The following OPRL1 variants were observed in gnomAD, a reference collection of about 807,000 sequenced individuals.
The protein encoded by OPRL1 is opioid related nociceptin receptor 1.
Under a neutral mutation model 15.5 loss-of-function variants are expected in OPRL1, and 5 were observed. The ratio of observed to expected loss-of-function variants is 0.32; its 90% CI spans 0.17 to 0.68. OPRL1 has a LOEUF of 0.68. Ranked by LOEUF, OPRL1 falls within the 30% of genes least tolerant of loss-of-function variation. The pLI, the probability that OPRL1 is intolerant of heterozygous loss-of-function variation, is 0.72. For synonymous variants in OPRL1, 223 were observed against 230.2 expected (o/e 0.97, Z 0.28); for missense variants, 406 against 515.3 (o/e 0.79, Z 2.05).
In OPRL1 at chr20:64,098,118, C is replaced by T. The variant is rs773088193; in HGVS notation, c.550C>T (p.Pro184Ser). The T allele has an allele frequency of 6.2e-7, 1 of 1,613,268 alleles. No homozygotes were observed. Among genetic ancestry groups the T allele is most frequent in the South Asian group, 1.1e-5 (1 of 91,086 alleles). ...GGCCCTGGCCTCTGTTGTCGGTGTT[C>T]CCGTTGCCATCATGGGCTCGGCACA... ...IWALASVVGV[P>S]VAIMGSAQVE... Residue 184 changes from proline (P) to serine (S), a missense_variant, in exon 4 of 5, where the codon CCC becomes TCC. Coordinates refer to ENST00000336866, the MANE Select transcript of OPRL1 (RefSeq NM_182647.4).
chr20:64,093,404 G>A (rs2145602852), intron 3 of OPRL1, among the ~76,000 whole-genome samples: 1 of 142,264 alleles, frequency 7.0e-6, no homozygotes, highest in South Asian at 2.4e-4. Context: ...GGTGTCTGTG[G>A]CTGAGCCCAT....
chr20:64,084,449 G>T, intron 1 of OPRL1: 1 of 1,120,196 alleles, frequency 8.9e-7, no homozygotes, highest in Non-Finnish European at 1.1e-6. Context: ...GCTCAGTCCT[G>T]CAGTCAACTA....
chr20:64,097,800 A>C lies in OPRL1; in HGVS notation c.234-2A>C. On this transcript the variant is annotated splice_acceptor_variant, in intron 3 of 4. Transcript: ENST00000336866. LOFTEE classifies it high-confidence loss of function. The surrounding 1 kb of genome is among the most constrained non-coding windows in gnomAD (Gnocchi z 4.2). ...AGCCTTTCTTCTCCCTCTACTCCGC[A>C]GGCACACCAAAATGAAGACAGCCAC... 1 of 1,610,424 alleles carries C rather than the reference A, an allele frequency of 6.2e-7. No homozygotes were observed. The highest frequency in any genetic ancestry group is 8.5e-7 in the Non-Finnish European group (1 of 1,177,492).
chr20:64,084,251 C>G, intron 1 of OPRL1: 2 of 1,353,472 alleles, frequency 1.5e-6, no homozygotes, highest in Non-Finnish European at 1.9e-6. Context: ...GAGGGCGTCC[C>G]GTCGGTGCCG....
intron 1 of OPRL1, among the ~76,000 whole-genome samples, chr20:64,082,372 C>T (rs1462024830): frequency 6.6e-6 from 1 of 152,184 alleles, no homozygotes; most frequent in African/African-American, 2.4e-5. Flanking sequence ...CAGCAACAGC[C>T]CAGAAAGAGT....
intron 1 of OPRL1, chr20:64,084,398 C>T: frequency 2.4e-6 from 3 of 1,272,734 alleles, no homozygotes; most frequent in South Asian, 5.4e-5. Flanking sequence ...TCTCCCTCTC[C>T]CAAGCGCACG....
intron 1 of OPRL1, among the ~76,000 whole-genome samples, chr20:64,088,917 CCAGGATCTGTGCAAGGGG>C (rs1569272138): frequency 2.8e-5 from 4 of 140,490 alleles, no homozygotes; most frequent in African/African-American, 5.4e-5. Flanking sequence ...TGCAGAGTGG[CCAGGATCTGTGCAAGGGG>C]TAGGATCTGT....
In OPRL1 at chr20:64,089,175, A is replaced by G. The variant is rs1305007932; in HGVS notation, c.-184-2791A>G. Among the ~76,000 whole-genome samples the G allele has an allele frequency of 2.6e-5, 4 of 152,116 alleles. No individual in the cohort carries two copies. The highest frequency in any genetic ancestry group is 2.1e-4 in the South Asian group (1 of 4,830). On this transcript the variant is annotated intron_variant, in intron 1 of 4. Coordinates refer to ENST00000336866, the MANE Select transcript of OPRL1 (RefSeq NM_182647.4). The surrounding 1 kb of genome is among the most constrained non-coding windows in gnomAD (Gnocchi z 5.5). ...GGAGGGAGAAGCTGTCCTGGGTTCT[A>G]TGGTTATGAACATGTCAGGGCAGAA...
chr20:64,098,754 GGCCCT>G lies in OPRL1; in HGVS notation c.1070_1074del (p.Ala357GlyfsTer6), dbSNP rs1445977148. On this transcript the variant is annotated frameshift_variant, in exon 5 of 5. Coordinates refer to ENST00000336866, the MANE Select transcript of OPRL1 (RefSeq NM_182647.4). LOFTEE classifies it high-confidence loss of function. ...GCGTGCGCAGCATTGCCAAGGACGT[GGCCCT>G]GGCCTGCAAGACCTCTGAGACGGTA... The G allele has an allele frequency of 6.2e-7, 1 of 1,608,264 alleles. No homozygotes were observed. Among genetic ancestry groups the G allele is most frequent in the Non-Finnish European group, 8.5e-7 (1 of 1,179,820 alleles).
In OPRL1 at chr20:64,083,378, C is replaced by A; in HGVS notation, c.-185+3026C>A. On this transcript the variant is annotated intron_variant, in intron 1 of 4. Transcript: ENST00000336866. This position sits in a 1 kb window ranked among gnomAD's most constrained non-coding sequence, Gnocchi z 4.9. ...GGCAGCAAAAAGACCAGCGAGCCTT[C>A]GGAGAATTATAACTTTATGTGGGAG... is the stretch of plus-strand genomic sequence containing the variant. The A allele has an allele frequency of 6.2e-7, 1 of 1,609,604 alleles. No homozygotes were observed. Among genetic ancestry groups the A allele is most frequent in the South Asian group, 1.1e-5 (1 of 90,886 alleles).
At chr20:64,091,534 C>G (rs983144329) in intron 1 of OPRL1, among the ~76,000 whole-genome samples, 1 of 152,226 alleles carries the variant, frequency 6.6e-6, no homozygotes, top group Non-Finnish European at 1.5e-5. Context: ...ACCCAAGCAT[C>G]TTACCCGCTT....
Position 64,083,468 on chromosome 20 carries a change from C to T in OPRL1, c.-185+3116C>T, listed in dbSNP as rs779448811. On this transcript the variant is annotated intron_variant, in intron 1 of 4. Coordinates refer to ENST00000336866, the MANE Select transcript of OPRL1 (RefSeq NM_182647.4). The surrounding 1 kb of genome is among the most constrained non-coding windows in gnomAD (Gnocchi z 4.9). ...GGAAGATGGTGCCATCCACGTTCTC[C>T]TCCAGGATGGTCTCCACGCGCCTCC... is the stretch of plus-strand genomic sequence containing the variant. 4.4e-6 allele frequency: 7 copies of T among 1,606,760 alleles called. No individual in the cohort carries two copies. The highest frequency in any genetic ancestry group is 5.1e-6 in the Non-Finnish European group (6 of 1,177,526).
chr20:64,096,962 C>T (rs374511152), intron 3 of OPRL1, among the ~76,000 whole-genome samples: 1 of 142 alleles, frequency 7.0e-3, no homozygotes, highest in Non-Finnish European at 0.028. Context: ...ATCATCATCA[C>T]GACCATCACC....
At chr20:64,080,447 A>G (rs1482917282) in intron 1 of OPRL1, 95 bp downstream of exon 1, 2 of 147,848 alleles carry the variant, frequency 1.4e-5, no homozygotes, top group East Asian at 4.0e-4. Context: ...TTCCCAAGGA[A>G]GGGGGAGATT....
At position 64,083,977 on chromosome 20, in the gene OPRL1, G is replaced by A; in HGVS notation, c.-185+3625G>A. 6.8e-7 allele frequency: 1 copy of A among 1,469,760 alleles called. No homozygotes were observed. Among genetic ancestry groups the A allele is most frequent in the Non-Finnish European group, 8.9e-7 (1 of 1,118,318 alleles). The allele number at this position is 1,469,760 out of a possible 1,614,324, so 91.0% of individuals were successfully genotyped here. On this transcript the variant is annotated intron_variant, in intron 1 of 4. Coordinates refer to ENST00000336866, the MANE Select transcript of OPRL1 (RefSeq NM_182647.4). This position sits in a 1 kb window ranked among gnomAD's most constrained non-coding sequence, Gnocchi z 4.9. ...TGCGGTACCCCGGTTCCACCGACCCGCACGGGAAGGTGGAGGCCGCCGCGC... is the reference window on the plus strand; with the variant it reads ...TGCGGTACCCCGGTTCCACCGACCCACACGGGAAGGTGGAGGCCGCCGCGC...
chr20:64,093,267 G>A (rs1271307373), intron 3 of OPRL1, among the ~76,000 whole-genome samples: 2 of 151,128 alleles, frequency 1.3e-5, no homozygotes, highest in African/African-American at 4.9e-5. Flanking sequence ...GACCTCATGA[G>A]ATCCCACAGC....
In OPRL1 at chr20:64,098,983, A is replaced by C; in HGVS notation, c.*184A>C. On this transcript the variant is annotated 3_prime_UTR_variant, in exon 5 of 5. Transcript: ENST00000336866. The stretch of plus-strand genomic sequence containing the variant: ...TCCCAGAGGAGGACCTAGTGACATC[A>C]TGGGACAGGTCAAAGCATTAGGGCC... The C allele has an allele frequency of 1.2e-6, 1 of 813,480 alleles. No individual in the cohort carries two copies. The highest frequency in any genetic ancestry group is 1.9e-6 in the Non-Finnish European group (1 of 532,764). 50.4% of individuals were successfully genotyped at this position (813,480 alleles called of 1,614,324 possible).
intron 1 of OPRL1, chr20:64,084,187 C>A (rs1239042518): frequency 6.9e-7 from 1 of 1,445,618 alleles, no homozygotes; most frequent in Non-Finnish European, 9.0e-7. Context: ...CCCGCGGGCC[C>A]TTGCGCCCGC....
rs1186823551 is a variant in OPRL1 at position 64,083,649 on chromosome 20, C to T, written c.-185+3297C>T. ...GCTGCGGCGGCAGGAACAGCTCCAG[C>T]CGGATGGCGGCGCGCGCGGACTTCT... On this transcript the variant is annotated intron_variant, in intron 1 of 4. Coordinates refer to ENST00000336866, the MANE Select transcript of OPRL1 (RefSeq NM_182647.4). The surrounding 1 kb of genome is among the most constrained non-coding windows in gnomAD (Gnocchi z 4.9). 6.9e-7 allele frequency: 1 copy of T among 1,448,336 alleles called. No individual in the cohort carries two copies. The highest frequency in any genetic ancestry group is 9.0e-7 in the Non-Finnish European group (1 of 1,106,084). 89.7% of individuals were successfully genotyped at this position (1,448,336 alleles called of 1,614,324 possible). A position where few individuals can be genotyped will look rare whatever the true frequency, so the allele number is the denominator to read the frequency against.
Sources: allele counts gnomAD v4.1 joint callset (sites outside exome capture counted in the v4.1 genomes callset), GRCh38; gene constraint gnomAD v4.1.1; non-coding constraint Gnocchi (gnomAD v3.1); transcripts MANE v1.5; gene names NCBI Gene and HGNC (gene_info 2026-07-23, HGNC 2026-07-21).